The following SAMMSON variants were observed in gnomAD, a reference collection of about 807,000 sequenced individuals.
SAMMSON encodes long intergenic non-protein coding RNA 1212.
At chr3:70,376,973 A>C (rs896243753) in intron 9 of SAMMSON, among the ~76,000 whole-genome samples, 4 of 152,104 alleles carry the variant, frequency 2.6e-5, no homozygotes, top group African/African-American at 9.7e-5. Context: ...TCTTATTCAA[A>C]CCCACTGAAG....
chr3:70,434,149 G>C (rs1440107680), intron 2 of SAMMSON, among the ~76,000 whole-genome samples: 1 of 152,116 alleles, frequency 6.6e-6, no homozygotes, highest in Non-Finnish European at 1.5e-5. Context: ...AGAATCATTT[G>C]TTGATAGACA....
rs183255488 is a variant in SAMMSON, at chr3:70,232,167, C to T, written n.508-16940C>T. On this transcript the variant is annotated intron_variant and non_coding_transcript_variant, in intron 4 of 9. Coordinates refer to ENST00000642114, the Ensembl canonical transcript of SAMMSON. ...AGGTGCCCCAACCGTACACTCGACA[C>T]ACTTGGAAGAATAAATATTGATCTG... Among the ~76,000 whole-genome samples, 102 of 152,336 alleles carry T rather than the reference C, an allele frequency of 6.7e-4. 1 individual carries two copies. The highest frequency in any genetic ancestry group is 2.9e-3 in the Admixed American group (44 of 15,302).
chr3:70,115,408 CT>C (rs2067406647), intron 4 of SAMMSON, among the ~76,000 whole-genome samples: 1 of 152,000 alleles, frequency 6.6e-6, no homozygotes, highest in Admixed American at 6.6e-5. Flanking sequence ...CAAAAGTTAC[CT>C]CTTCAAAGAT....
At chr3:70,381,819 A>T (rs925150009) in intron 9 of SAMMSON, among the ~76,000 whole-genome samples, 9 of 152,132 alleles carry the variant, frequency 5.9e-5, no homozygotes, top group Non-Finnish European at 1.2e-4. Flanking sequence ...ACAGACAGGA[A>T]AAAAAGGAGA....
intron 4 of SAMMSON, among the ~76,000 whole-genome samples, chr3:70,137,005 A>T (rs893549050): frequency 6.6e-6 from 1 of 152,198 alleles, no homozygotes; most frequent in African/African-American, 2.4e-5. Flanking sequence ...CAATATTATG[A>T]GTCATACATA....
intron 3 of SAMMSON, among the ~76,000 whole-genome samples, chr3:70,063,203 G>T (rs541070743): frequency 1.1e-3 from 160 of 150,590 alleles, no homozygotes; most frequent in African/African-American, 3.7e-3. Context: ...TCACTGCTTC[G>T]TACCTTTTCC....
Position 70,320,289 on chromosome 3 carries a change from A to C in SAMMSON, n.739+29046A>C, listed in dbSNP as rs982192397. 1.1e-4 allele frequency among the ~76,000 whole-genome samples: 17 copies of C among 152,202 alleles called. No homozygotes were observed. In the South Asian group the frequency reaches 1.4e-3, roughly 13 times the overall value. On this transcript the variant is annotated intron_variant and non_coding_transcript_variant, in intron 7 of 9. Transcript: ENST00000642114. ...AGCAGAAAGTGCTCTACTTAAGTGA[A>C]GACCACCAGCAATGACAGTGGGTTA... is the stretch of plus-strand genomic sequence containing the variant.
intron 4 of SAMMSON, among the ~76,000 whole-genome samples, chr3:70,162,572 A>G (rs370832875): frequency 2.1e-4 from 32 of 152,014 alleles, no homozygotes; most frequent in East Asian, 1.6e-3. Flanking sequence ...GTCCTGGAGA[A>G]TGTTCCATGT....
At chr3:70,122,319 A>G (rs1365180223) in intron 4 of SAMMSON, among the ~76,000 whole-genome samples, 1 of 152,108 alleles carries the variant, frequency 6.6e-6, no homozygotes, top group African/African-American at 2.4e-5. Flanking sequence ...CAGCCTCTTG[A>G]GTAGCTGGGA....
chr3:70,314,593 G>C (rs1702482366), intron 7 of SAMMSON, among the ~76,000 whole-genome samples: 1 of 152,102 alleles, frequency 6.6e-6, no homozygotes, highest in South Asian at 2.1e-4. Flanking sequence ...AAAATATCTA[G>C]ATGAGAAAAG....
intron 4 of SAMMSON, among the ~76,000 whole-genome samples, chr3:70,142,519 AC>A (rs369003423): frequency 2.0e-5 from 3 of 152,160 alleles, no homozygotes; most frequent in African/African-American, 7.2e-5. Flanking sequence ...GACACAATGG[AC>A]TTTGGGGACT....
chr3:70,081,171 T>G (rs189248300), intron 4 of SAMMSON, among the ~76,000 whole-genome samples: 57 of 152,346 alleles, frequency 3.7e-4, no homozygotes, highest in Admixed American at 2.4e-3. Flanking sequence ...TGGAGTGCAG[T>G]GGCGCGATCT....
intron 4 of SAMMSON, among the ~76,000 whole-genome samples, chr3:70,092,896 G>GT (rs1260198385): frequency 1.4e-3 from 120 of 85,142 alleles, no homozygotes; most frequent in African/African-American, 3.6e-3. Context: ...GTTGTCTAGT[G>GT]TTTTTGTTTT....
At chr3:70,129,004 C>G (rs937756544) in intron 4 of SAMMSON, among the ~76,000 whole-genome samples, 1 of 152,112 alleles carries the variant, frequency 6.6e-6, no homozygotes, top group African/African-American at 2.4e-5. Context: ...TTTATGTAAG[C>G]ATCAAATGCA....
At chr3:70,340,896 T>C (rs1040453465) in intron 7 of SAMMSON, among the ~76,000 whole-genome samples, 12 of 152,126 alleles carry the variant, frequency 7.9e-5, no homozygotes, top group Admixed American at 2.6e-4. Context: ...TGGTGAATAA[T>C]CAAAGCTAGG....
At chr3:70,051,619 T>C (rs2067146654) in intron 3 of SAMMSON, among the ~76,000 whole-genome samples, 2 of 151,402 alleles carry the variant, frequency 1.3e-5, no homozygotes, top group South Asian at 4.2e-4. Flanking sequence ...GAAAATAAGG[T>C]GGTAGATCTG....
At chr3:70,220,775 G>A (rs1416466183) in intron 4 of SAMMSON, among the ~76,000 whole-genome samples, 1 of 152,172 alleles carries the variant, frequency 6.6e-6, no homozygotes, top group Non-Finnish European at 1.5e-5. Flanking sequence ...CCCTTATGAA[G>A]ATTTCAGTCT....
chr3:70,011,653 G>A (rs1290093319), intron 1 of SAMMSON, among the ~76,000 whole-genome samples: 1 of 149,414 alleles, frequency 6.7e-6, no homozygotes, highest in Non-Finnish European at 1.5e-5. Context: ...GTTAAGAAGT[G>A]TCTGAAAACT....
At chr3:70,068,372 C>T (rs181106287) in intron 3 of SAMMSON, 1 of 152,172 alleles carries the variant, frequency 6.6e-6, no homozygotes, top group East Asian at 1.9e-4. Flanking sequence ...CAGAGGTTTA[C>T]AGTGGAATTT....
Sources: gnomAD v4.1 joint callset for allele counts (sites outside exome capture counted in the v4.1 genomes callset) on GRCh38, gnomAD v4.1.1 for gene constraint, MANE v1.5 for transcripts, NCBI Gene and HGNC (gene_info 2026-07-23, HGNC 2026-07-21) for gene names.